Variants in PCDHB11 observed in about 807,000 individuals in gnomAD.
PCDHB11 encodes protocadherin beta 11, also known as protocadherin beta-11.
For synonymous variants in PCDHB11, 522 were observed against 442.0 expected, an observed-to-expected ratio of 1.18 and a Z score of -2.27; for missense variants, 1,151 against 1,003.4, an observed-to-expected ratio of 1.15 and a Z score of -1.99.
In PCDHB11 at chr5:141,200,296, C is replaced by G. The variant is rs782676561; in HGVS notation, c.522C>G (p.Pro174=). Residue 174 remains proline (P), a synonymous_variant, in exon 1 of 1, where the codon CCC becomes CCG. Coordinates refer to ENST00000354757, the MANE Select transcript of PCDHB11 (RefSeq NM_018931.3). ...CTGTAAAAAGCTACACAATAAGCCC[C>G]AACTCTCATTTTCACATTAAAATGA... ...INAVKSYTIS[P]NSHFHIKMRV... is the part of the protein sequence containing the mutation. 4.3e-5 allele frequency: 69 copies of G among 1,614,136 alleles called. No homozygotes were observed. Among genetic ancestry groups the G allele is most frequent in the Middle Eastern group, 1.6e-4 (1 of 6,062 alleles).
Position 141,200,136 on chromosome 5 carries a change from T to A in PCDHB11, c.362T>A (p.Leu121His). 1 of 1,614,064 alleles carries A rather than the reference T, an allele frequency of 6.2e-7. No individual in the cohort carries two copies. The change falls in exon 1 of 1, where the codon CTT becomes CAT. Residue 121 changes from leucine to histidine, a missense_variant. Physicochemically the swap from Leu to His is moderately conservative, Grantham distance 99. Transcript: ENST00000354757. ...QNPTQFLQIE[L>H]QVRDINDHSP... The stretch of plus-strand genomic sequence containing the variant: ...CCCACGCAGTTTTTACAAATTGAGC[T>A]TCAGGTCAGGGATATAAATGATCAC...
Position 141,202,335 on chromosome 5 carries a change from T to A in PCDHB11, c.*167T>A. ...TTTTTTTTGAGACCGAGTCTCATTC[T>A]GTCGCCCTGGCTGGAGTGCAATGGT... On this transcript the variant is annotated 3_prime_UTR_variant, in exon 1 of 1. Transcript: ENST00000354757. The A allele has an allele frequency of 4.7e-6, 3 of 639,684 alleles. No homozygotes were observed. Among genetic ancestry groups the A allele is most frequent in the Non-Finnish European group, 5.1e-6 (2 of 395,670 alleles). 39.6% of individuals were successfully genotyped at this position (639,684 alleles called of 1,614,324 possible). A position where few individuals can be genotyped will look rare whatever the true frequency, so the allele number is the denominator to read the frequency against.
Position 141,199,681 on chromosome 5 carries a change from A to T in PCDHB11, c.-94A>T. 8.9e-7 allele frequency: 1 copy of T among 1,129,312 alleles called. No homozygotes were observed. The highest frequency in any genetic ancestry group is 1.3e-6 in the Non-Finnish European group (1 of 794,720). 70.0% of individuals were successfully genotyped at this position (1,129,312 alleles called of 1,614,324 possible). Reference sequence around the variant, plus strand: ...GACCTGGAAACCATTCAACAGGGTTAAAATCCTTAGACCACAGAGGATTTG... The same window carrying T: ...GACCTGGAAACCATTCAACAGGGTTTAAATCCTTAGACCACAGAGGATTTG... On this transcript the variant is annotated 5_prime_UTR_variant, in exon 1 of 1. Coordinates refer to ENST00000354757, the MANE Select transcript of PCDHB11 (RefSeq NM_018931.3).
At position 141,201,807 on chromosome 5, in the gene PCDHB11, C is replaced by A. The variant is rs141800205; in HGVS notation, c.2033C>A (p.Pro678Gln). The change falls in exon 1 of 1, where the codon CCG (proline) becomes CAG (glutamine). Residue 678 changes from proline (P) to glutamine (Q), a missense_variant. Pro to Gln is a moderately conservative substitution (Grantham distance 76). Transcript: ENST00000354757. Reference sequence around the variant, plus strand: ...TACCTGCCGCTCCCTGAGGCGGCACCGGCCCAGGCCCAGGCCGACTCGCTC... The same window carrying A: ...TACCTGCCGCTCCCTGAGGCGGCACAGGCCCAGGCCCAGGCCGACTCGCTC... The part of the protein sequence containing the change: ...QPYLPLPEAA[P>Q]AQAQADSLTV... 6,265 of 1,610,424 alleles carry A rather than the reference C, an allele frequency of 3.9e-3. 26 individuals carry two copies. The highest frequency in any genetic ancestry group is 0.01 in the South Asian group (919 of 90,996).
rs782042453 is a variant in PCDHB11, at chr5:141,201,438, A to G, written c.1664A>G (p.Asn555Ser). 1.4e-4 allele frequency: 231 copies of G among 1,611,404 alleles called. No individual in the cohort carries two copies. The Middle Eastern group carries it at 1.6e-3, about 11-fold the overall frequency. The stretch of plus-strand genomic sequence containing the variant: ...GTGCGCGTGCTGGTGCTGGACGCCA[A>G]CGACAACTCGCCCTTCGTGCTGTAC... The part of the protein sequence containing the change: ...ALVRVLVLDA[N>S]DNSPFVLYPL... Residue 555 changes from asparagine (N) to serine (S), a missense_variant, in exon 1 of 1, where the codon AAC becomes AGC. Coordinates refer to ENST00000354757, the MANE Select transcript of PCDHB11 (RefSeq NM_018931.3).
In PCDHB11 at chr5:141,203,731, C is replaced by T. The variant is rs1261811577; in HGVS notation, c.*1563C>T. 2.0e-5 allele frequency: 3 copies of T among 151,652 alleles called. No individual in the cohort carries two copies. Among genetic ancestry groups the T allele is most frequent in the East Asian group, 3.9e-4 (2 of 5,184 alleles). 9.4% of individuals were successfully genotyped at this position (151,652 alleles called of 1,614,324 possible). A position where few individuals can be genotyped will look rare whatever the true frequency, so the allele number is the denominator to read the frequency against. On this transcript the variant is annotated 3_prime_UTR_variant, in exon 1 of 1. Coordinates refer to ENST00000354757, the MANE Select transcript of PCDHB11 (RefSeq NM_018931.3). Reference sequence around the variant, plus strand: ...GAGAGAGAGATCATGGCTTATAATCCAAACAAAATGTAATAAACTGCATGA... The same window carrying T: ...GAGAGAGAGATCATGGCTTATAATCTAAACAAAATGTAATAAACTGCATGA...
In PCDHB11 at chr5:141,201,365, G is replaced by A. The variant is rs367801902; in HGVS notation, c.1591G>A (p.Val531Met). The change falls in exon 1 of 1, where the codon GTG (valine) becomes ATG (methionine). Residue 531 changes from valine (V) to methionine (M), a missense_variant. Physicochemically the swap from Val to Met is conservative, Grantham distance 21. Transcript: ENST00000354757. ...YEALQAFDFR[V>M]GATDRGSPAL... The stretch of plus-strand genomic sequence containing the variant: ...GGCCCTGCAGGCTTTCGACTTCCGC[G>A]TGGGCGCCACAGACCGCGGCTCCCC... The A allele has an allele frequency of 1.2e-6, 2 of 1,612,802 alleles. No individual in the cohort carries two copies. Among genetic ancestry groups the A allele is most frequent in the African/African-American group, 2.7e-5 (2 of 74,912 alleles).
In PCDHB11 at chr5:141,200,072, G is replaced by A; in HGVS notation, c.298G>A (p.Glu100Lys). 6.2e-7 allele frequency: 1 copy of A among 1,614,136 alleles called. No individual in the cohort carries two copies. The highest frequency in any genetic ancestry group is 2.2e-5 in the East Asian group (1 of 44,878). ...CAGGGAGGAGCTCTGCGGTTCCATC[G>A]AGCCTTGCGTGCTACATTTGCAGGT... ...LDREELCGSI[E>K]PCVLHLQVLM... Residue 100 changes from glutamate to lysine, a missense_variant, in exon 1 of 1, where the codon GAG becomes AAG. Glu to Lys is a moderately conservative substitution (Grantham distance 56). Transcript: ENST00000354757.
In PCDHB11 at chr5:141,201,755, C is replaced by T. The variant is rs1554285690; in HGVS notation, c.1981C>T (p.Leu661Phe). 2.5e-6 allele frequency: 4 copies of T among 1,609,196 alleles called. No individual in the cohort carries two copies. The highest frequency in any genetic ancestry group is 1.3e-5 in the African/African-American group (1 of 75,002). ...PRSATATLQV[L>F]LVDGFSQPYL... Reference sequence around the variant, plus strand: ...CTCGGCCACCGCCACGCTGCAAGTGCTCCTGGTGGACGGCTTCTCCCAGCC... The same window carrying T: ...CTCGGCCACCGCCACGCTGCAAGTGTTCCTGGTGGACGGCTTCTCCCAGCC... The change falls in exon 1 of 1, where the codon CTC becomes TTC. Residue 661 changes from leucine (L) to phenylalanine (F), a missense_variant. Transcript: ENST00000354757.
In PCDHB11 at chr5:141,201,848, G is replaced by A. The variant is rs782162585; in HGVS notation, c.2074G>A (p.Val692Met). 2 of 1,611,066 alleles carry A rather than the reference G, an allele frequency of 1.2e-6. No homozygotes were observed. The highest frequency in any genetic ancestry group is 1.1e-5 in the South Asian group (1 of 91,016). The part of the protein sequence containing the change: ...QADSLTVYLV[V>M]ALASVSSLFL... ...CGACTCGCTCACCGTCTACTTGGTG[G>A]TGGCGTTGGCCTCGGTGTCTTCGCT... Residue 692 changes from valine (V) to methionine (M), a missense_variant, in exon 1 of 1, where the codon GTG (valine) becomes ATG (methionine). Val to Met is a conservative substitution (Grantham distance 21). Transcript: ENST00000354757.
rs1554285968 is a variant in PCDHB11 at position 141,203,108 on chromosome 5, T to A, written c.*940T>A. On this transcript the variant is annotated 3_prime_UTR_variant, in exon 1 of 1. Coordinates refer to ENST00000354757, the MANE Select transcript of PCDHB11 (RefSeq NM_018931.3). ...AGGTTGTTTTGTTTTGTTTTGTTTT[T>A]TGAGACGATGTTTCACTCTTGTCGC... 6.6e-6 allele frequency: 1 copy of A among 152,190 alleles called. No homozygotes were observed. The highest frequency in any genetic ancestry group is 6.5e-5 in the Admixed American group (1 of 15,278). The allele number at this position is 152,190 out of a possible 1,614,324, so 9.4% of individuals were successfully genotyped here.
In PCDHB11 at chr5:141,201,870, C is replaced by G; in HGVS notation, c.2096C>G (p.Ser699Trp). 1 of 1,611,596 alleles carries G rather than the reference C, an allele frequency of 6.2e-7. No homozygotes were observed. The highest frequency in any genetic ancestry group is 8.5e-7 in the Non-Finnish European group (1 of 1,179,872). Residue 699 changes from serine (S) to tryptophan (W), a missense_variant, in exon 1 of 1, where the codon TCG (serine) becomes TGG (tryptophan). Transcript: ENST00000354757. ...GTGGTGGCGTTGGCCTCGGTGTCTT[C>G]GCTCTTCCTCTTCTCGGTGCTCCTG... is the stretch of plus-strand genomic sequence containing the variant. ...YLVVALASVS[S>W]LFLFSVLLFV...
chr5:141,199,794 G>C lies in PCDHB11; in HGVS notation c.20G>C (p.Arg7Pro), dbSNP rs917535. 6.2e-7 allele frequency: 1 copy of C among 1,613,952 alleles called. No individual in the cohort carries two copies. Among genetic ancestry groups the C allele is most frequent in the Non-Finnish European group, 8.5e-7 (1 of 1,179,990 alleles). Residue 7 changes from arginine to proline, a missense_variant, in exon 1 of 1, where the codon CGC (arginine) becomes CCC (proline). Coordinates refer to ENST00000354757, the MANE Select transcript of PCDHB11 (RefSeq NM_018931.3). MENQGTRTQQIRQVLLL... is the reference protein window; with the variant it reads MENQGTPTQQIRQVLLL... ...GGAACTATGGAGAACCAAGGGACACGCACTCAGCAGATAAGGCAAGTCCTG... is the reference window on the plus strand; with the variant it reads ...GGAACTATGGAGAACCAAGGGACACCCACTCAGCAGATAAGGCAAGTCCTG...
chr5:141,203,660 G>A lies in PCDHB11; in HGVS notation c.*1492G>A, dbSNP rs1335997445. 3 of 151,112 alleles carry A rather than the reference G, an allele frequency of 2.0e-5. No homozygotes were observed. Among genetic ancestry groups the A allele is most frequent in the African/African-American group, 7.3e-5 (3 of 41,168 alleles). The allele number at this position is 151,112 out of a possible 1,614,324, so 9.4% of individuals were successfully genotyped here. A position where few individuals can be genotyped will look rare whatever the true frequency, so the allele number is the denominator to read the frequency against. On this transcript the variant is annotated 3_prime_UTR_variant, in exon 1 of 1. Coordinates refer to ENST00000354757, the MANE Select transcript of PCDHB11 (RefSeq NM_018931.3). ...TTCTTAAATATACTACACTTACTTG[G>A]CTAATATTTTTAATGCTTTTGTGTG...
At position 141,202,197 on chromosome 5, in the gene PCDHB11, T is replaced by C. The variant is rs1350007563; in HGVS notation, c.*29T>C. 2.6e-6 allele frequency: 4 copies of C among 1,538,242 alleles called. No homozygotes were observed. The South Asian group carries it at 3.8e-5, about 15-fold the overall frequency. Reference sequence around the variant, plus strand: ...GAATGCTATTTACATTTGCATGTACTTTTTTAGTTTTATGTAACCATATCA... The same window carrying C: ...GAATGCTATTTACATTTGCATGTACCTTTTTAGTTTTATGTAACCATATCA... On this transcript the variant is annotated 3_prime_UTR_variant, in exon 1 of 1. Transcript: ENST00000354757.
Position 141,201,277 on chromosome 5 carries a change from C to T in PCDHB11, c.1503C>T (p.Ala501=), listed in dbSNP as rs781992331. 61 of 1,613,436 alleles carry T rather than the reference C, an allele frequency of 3.8e-5. No individual in the cohort carries two copies. Among genetic ancestry groups the T allele is most frequent in the Non-Finnish European group, 5.1e-5 (60 of 1,180,050 alleles). ...LPPQDLHLPL[A]SLVSINTDNG... ...CCCAGGACCTGCACCTGCCCCTCGC[C>T]TCCCTGGTCTCCATCAACACAGACA... Residue 501 remains alanine (A), a synonymous_variant, in exon 1 of 1, where the codon GCC becomes GCT. Transcript: ENST00000354757.
rs1554285274 is a variant in PCDHB11 at position 141,200,418 on chromosome 5, T to C, written c.644T>C (p.Leu215Pro). The change falls in exon 1 of 1, where the codon CTG (leucine) becomes CCG (proline). Residue 215 changes from leucine to proline, a missense_variant. Leu to Pro is a moderately conservative substitution (Grantham distance 98, BLOSUM62 -3). Coordinates refer to ENST00000354757, the MANE Select transcript of PCDHB11 (RefSeq NM_018931.3). Reference sequence around the variant, plus strand: ...GAGCTCAGTTTCATCCTCTCTGCTCTGGATGGTGGGTCCCCTCCCAGGTCT... The same window carrying C: ...GAGCTCAGTTTCATCCTCTCTGCTCCGGATGGTGGGTCCCCTCCCAGGTCT... The part of the protein sequence containing the change: ...LPELSFILSA[L>P]DGGSPPRSGT... The C allele has an allele frequency of 6.2e-7, 1 of 1,614,180 alleles. No individual in the cohort carries two copies. The highest frequency in any genetic ancestry group is 2.2e-5 in the East Asian group (1 of 44,878).
At position 141,200,388 on chromosome 5, in the gene PCDHB11, T is replaced by G. The variant is rs112020614; in HGVS notation, c.614T>G (p.Leu205Arg). 1.4e-3 allele frequency: 2,227 copies of G among 1,614,110 alleles called. 4 individuals carry two copies. Among genetic ancestry groups the G allele is most frequent in the Admixed American group, 4.9e-3 (294 of 60,016 alleles). The change falls in exon 1 of 1, where the codon CTC becomes CGC. Residue 205 changes from leucine (L) to arginine (R), a missense_variant. By Grantham distance (102) the Leu-to-Arg change is moderately radical. Transcript: ENST00000354757. ...VLDKALDYEELPELSFILSAL... is the reference protein window; with the variant it reads ...VLDKALDYEERPELSFILSAL... The stretch of plus-strand genomic sequence containing the variant: ...GACAAGGCGCTGGATTATGAAGAGC[T>G]CCCGGAGCTCAGTTTCATCCTCTCT...
chr5:141,201,557 G>A lies in PCDHB11; in HGVS notation c.1783G>A (p.Asp595Asn), dbSNP rs1754192059. ...GACCAAGGTGGTGGCGGTGGACGGC[G>A]ACTCGGGCCAGAACGCCTGGCTGTC... The part of the protein sequence containing the change: ...LVTKVVAVDG[D>N]SGQNAWLSYQ... The change falls in exon 1 of 1, where the codon GAC (aspartate) becomes AAC (asparagine). Residue 595 changes from aspartate (D) to asparagine (N), a missense_variant. Physicochemically the swap from Asp to Asn is conservative, Grantham distance 23. Transcript: ENST00000354757. The A allele has an allele frequency of 2.4e-5, 39 of 1,608,638 alleles. No individual in the cohort carries two copies. Among genetic ancestry groups the A allele is most frequent in the Non-Finnish European group, 3.2e-5 (38 of 1,179,218 alleles).
Sources: gnomAD v4.1 joint callset for allele counts on GRCh38, gnomAD v4.1.1 for gene constraint, MANE v1.5 for transcripts, NCBI Gene and HGNC (gene_info 2026-07-23, HGNC 2026-07-21) for gene names.